DSCAM: variants seen among roughly 807,000 people sequenced by gnomAD.
DSCAM encodes the protein DS cell adhesion molecule, also known as cell adhesion molecule DSCAM.
Under a neutral mutation model 217.7 loss-of-function variants are expected in DSCAM, and 47 were observed. The observed-to-expected ratio is 0.22, with a 90% CI of 0.17 to 0.28. The LOEUF is 0.28. Ranked by LOEUF, DSCAM falls within the 10% of genes least tolerant of loss-of-function variation. The probability of loss-of-function intolerance (pLI) is 1.00; values close to 1 mark genes in which losing one functional copy is unlikely to be tolerated. For synonymous variants in DSCAM, 1,056 were observed against 1,015.3 expected, an observed-to-expected ratio of 1.04 and a Z score of -0.76; for missense variants, 2,080 against 2,618.3, an observed-to-expected ratio of 0.79 and a Z score of 4.49.
intron 3 of DSCAM, among the ~76,000 whole-genome samples, chr21:40,396,968 C>G (rs995184415): frequency 5.3e-5 from 8 of 152,084 alleles, no homozygotes; most frequent in African/African-American, 1.9e-4. Context: ...GTACCAGACC[C>G]TCACCTATCA....
At chr21:40,095,647 A>T (rs2146596481) in intron 20 of DSCAM, among the ~76,000 whole-genome samples, 1 of 152,300 alleles carries the variant, frequency 6.6e-6, no homozygotes, top group South Asian at 2.1e-4. Flanking sequence ...AACTCTGTGA[A>T]TATACTAAGA....
At chr21:40,249,916 C>T (rs187514158) in intron 11 of DSCAM, among the ~76,000 whole-genome samples, 105 of 152,308 alleles carry the variant, frequency 6.9e-4, no homozygotes, top group African/African-American at 2.5e-3. Flanking sequence ...GAGATCAAGG[C>T]CTCCTGGCAC....
chr21:40,117,600 T>C (rs2089985697), intron 20 of DSCAM, among the ~76,000 whole-genome samples: 1 of 151,986 alleles, frequency 6.6e-6, no homozygotes, highest in African/African-American at 2.4e-5. Context: ...ATGTGAGTCA[T>C]AGGAGGAATT....
Position 40,193,560 on chromosome 21 carries a change from C to T in DSCAM, c.2357-4322G>A, listed in dbSNP as rs116911209. 2.4e-4 allele frequency among the ~76,000 whole-genome samples: 36 copies of T among 152,262 alleles called. No homozygotes were observed. The East Asian group carries it at 6.9e-3, about 29-fold the overall frequency. Reference sequence around the variant, plus strand: ...TTGAAAGGTGACCCCTGTCCACTACCATCAACCCCCACGCCCCAATTCCTG... The same window carrying T: ...TTGAAAGGTGACCCCTGTCCACTACTATCAACCCCCACGCCCCAATTCCTG... On this transcript the variant is annotated intron_variant, in intron 11 of 32. Coordinates refer to ENST00000400454, the MANE Select transcript of DSCAM (RefSeq NM_001389.5).
intron 6 of DSCAM, among the ~76,000 whole-genome samples, chr21:40,341,527 G>A (rs2074491178): frequency 6.6e-6 from 1 of 152,132 alleles, no homozygotes; most frequent in Non-Finnish European, 1.5e-5. Context: ...ACACACCAGA[G>A]TAACCACAAA....
intron 3 of DSCAM, among the ~76,000 whole-genome samples, chr21:40,457,122 A>C (rs1467918352): frequency 6.6e-6 from 1 of 152,174 alleles, no homozygotes; most frequent in Non-Finnish European, 1.5e-5. Flanking sequence ...AAAAACCAAT[A>C]AAAATATAAC....
intron 27 of DSCAM, among the ~76,000 whole-genome samples, chr21:40,064,755 C>G (rs1418291209): frequency 1.3e-5 from 2 of 152,188 alleles, no homozygotes; most frequent in African/African-American, 2.4e-5. Context: ...GTCAATTTGA[C>G]TGGACAGAGA....
chr21:40,258,722 T>A (rs1437432406), intron 11 of DSCAM, among the ~76,000 whole-genome samples: 1 of 152,262 alleles, frequency 6.6e-6, no homozygotes, highest in Non-Finnish European at 1.5e-5. Context: ...TTCCTCTTCC[T>A]TATTTGAAGG....
At chr21:40,211,852 G>A (rs1158865154) in intron 11 of DSCAM, among the ~76,000 whole-genome samples, 1 of 152,120 alleles carries the variant, frequency 6.6e-6, no homozygotes, top group Non-Finnish European at 1.5e-5. Context: ...TAAACTGCTT[G>A]AGGTTAAAGA....
intron 3 of DSCAM, among the ~76,000 whole-genome samples, chr21:40,676,942 G>A (rs1373898773): frequency 6.6e-6 from 1 of 152,080 alleles, no homozygotes; most frequent in African/African-American, 2.4e-5. Flanking sequence ...GCCTGGCTGC[G>A]TTCCGTTTTG....
intron 20 of DSCAM, among the ~76,000 whole-genome samples, chr21:40,110,241 C>A (rs1974992404): frequency 6.6e-6 from 1 of 152,198 alleles, no homozygotes; most frequent in Non-Finnish European, 1.5e-5. Context: ...GATCAGGCAG[C>A]AACATTTGCT....
At chr21:40,276,347 AG>A in intron 10 of DSCAM, 77 bp from the exon 11 acceptor site, 1 of 1,336,570 alleles carries the variant, frequency 7.5e-7, no homozygotes, top group Non-Finnish European at 1.0e-6. Context: ...AAGTACACAC[AG>A]ACTCATAAAG....
intron 1 of DSCAM, among the ~76,000 whole-genome samples, chr21:40,726,631 A>G (rs944165339): frequency 2.0e-5 from 3 of 152,146 alleles, no homozygotes; most frequent in Admixed American, 6.5e-5. Context: ...TCATGATCAG[A>G]AGGAGCCCAA....
chr21:40,070,864 C>T (rs776598480), intron 27 of DSCAM, among the ~76,000 whole-genome samples: 3 of 152,156 alleles, frequency 2.0e-5, no homozygotes, highest in Non-Finnish European at 2.9e-5. Context: ...CAGTCTCTTC[C>T]GGAATTGATC....
At chr21:40,380,072 C>T (rs1198076914) in intron 3 of DSCAM, among the ~76,000 whole-genome samples, 2 of 152,146 alleles carry the variant, frequency 1.3e-5, no homozygotes, top group African/African-American at 2.4e-5. Context: ...AGCAATTTCA[C>T]TAAGACATTT....
chr21:40,845,475 G>T (rs968108973), intron 1 of DSCAM, among the ~76,000 whole-genome samples: 9 of 150,164 alleles, frequency 6.0e-5, no homozygotes, highest in Non-Finnish European at 7.4e-5. Flanking sequence ...CCTCCCCTTT[G>T]CTTCTCGTAT....
intron 11 of DSCAM, among the ~76,000 whole-genome samples, chr21:40,219,896 AATAGC>A (rs1385805567): frequency 7.2e-5 from 11 of 152,340 alleles, no homozygotes; most frequent in African/African-American, 2.4e-4. Context: ...ATATACACCA[AATAGC>A]ATTTTTGAAT....
intron 1 of DSCAM, among the ~76,000 whole-genome samples, chr21:40,772,979 T>C (rs551470032): frequency 7.2e-4 from 109 of 152,382 alleles, no homozygotes; most frequent in African/African-American, 2.5e-3. Flanking sequence ...AGTAACTGGC[T>C]GACCTAGGGG....
intron 3 of DSCAM, among the ~76,000 whole-genome samples, chr21:40,578,997 C>T (rs373722733): frequency 2.0e-5 from 3 of 152,024 alleles, no homozygotes; most frequent in African/African-American, 4.8e-5. Flanking sequence ...CACATGCAAA[C>T]AAAACAACAA....
Sources: gnomAD v4.1 joint callset for allele counts (sites outside exome capture counted in the v4.1 genomes callset) on GRCh38, gnomAD v4.1.1 for gene constraint, MANE v1.5 for transcripts, NCBI Gene and HGNC (gene_info 2026-07-23, HGNC 2026-07-21) for gene names.